The following PTPRS variants were observed in gnomAD, a reference collection of about 807,000 sequenced individuals.
PTPRS encodes the protein protein tyrosine phosphatase receptor type S.
Under a neutral mutation model 215.3 loss-of-function variants are expected in PTPRS, and 63 were observed. The ratio of observed to expected loss-of-function variants is 0.29; its 90% CI spans 0.24 to 0.36. The LOEUF is 0.36. Among genes scored for constraint, PTPRS ranks in the 10% least tolerant of loss-of-function variants. PTPRS has a pLI of 1.00. For synonymous variants in PTPRS, 1,404 were observed against 1,191.4 expected (o/e 1.18, Z -3.68); for missense variants, 2,258 against 2,825.8 (o/e 0.80, Z 4.56).
chr19:5,222,075 A>C (rs762908172), intron 19 of PTPRS, 48 bp downstream of exon 19: 2 of 1,505,078 alleles, frequency 1.3e-6, no homozygotes, highest in Non-Finnish European at 1.8e-6. Context: ...GCTGAACTAC[A>C]ACCCCTGACC....
intron 1 of PTPRS, among the ~76,000 whole-genome samples, chr19:5,322,904 G>A (rs140054074): frequency 0.023 from 2,664 of 117,810 alleles, 70 homozygotes; most frequent in Middle Eastern, 0.048. Flanking sequence ...AAAAAAAGAA[G>A]AAGAAGAAGA....
At chr19:5,301,134 G>A (rs944845340) in intron 1 of PTPRS, among the ~76,000 whole-genome samples, 4 of 152,190 alleles carry the variant, frequency 2.6e-5, no homozygotes. Context: ...CAGAAACTTG[G>A]AAAAGGCTTC....
At position 5,210,584 on chromosome 19, in the gene PTPRS, T is replaced by C; in HGVS notation, c.5372A>G (p.His1791Arg). The change falls in exon 35 of 38, where the codon CAC becomes CGC. Residue 1791 changes from histidine (H) to arginine (R), a missense_variant. Physicochemically the swap from His to Arg is conservative, Grantham distance 29. Transcript: ENST00000262963. The surrounding 1 kb of genome is among the most constrained non-coding windows in gnomAD (Gnocchi z 4.5). ...AGAGCGCTCGGCCGGCCAGTACTGG[T>C]GACACTTCTCCTGTGGAGGAGATGG... ...KLREMGREKC[H>R]QYWPAERSAR... 6.2e-7 allele frequency: 1 copy of C among 1,614,172 alleles called. No homozygotes were observed. The highest frequency in any genetic ancestry group is 8.5e-7 in the Non-Finnish European group (1 of 1,180,014).
intron 1 of PTPRS, among the ~76,000 whole-genome samples, chr19:5,332,310 T>C (rs889757107): frequency 6.6e-6 from 1 of 152,130 alleles, no homozygotes; most frequent in Non-Finnish European, 1.5e-5. Context: ...GTATTTTTAG[T>C]AGAGGCGGGG....
chr19:5,283,783 C>A (rs2048082252), intron 2 of PTPRS, among the ~76,000 whole-genome samples: 1 of 152,094 alleles, frequency 6.6e-6, no homozygotes, highest in African/African-American at 2.4e-5. Context: ...GTTCAAATGG[C>A]CACTTCTGGT....
Position 5,210,227 on chromosome 19 carries a change from A to G in PTPRS, c.5487+242T>C, listed in dbSNP as rs1258101490. 6.6e-6 allele frequency among the ~76,000 whole-genome samples: 1 copy of G among 152,182 alleles called. No individual in the cohort carries two copies. The highest frequency in any genetic ancestry group is 1.5e-5 in the Non-Finnish European group (1 of 68,030). ...AGGAAAGCCCCATTCACTTCCTTGA[A>G]TATCATCCCCTGGGGCCATGTTCCC... On this transcript the variant is annotated intron_variant, in intron 35 of 37. Transcript: ENST00000262963. This position sits in a 1 kb window ranked among gnomAD's most constrained non-coding sequence, Gnocchi z 4.5.
rs2045704348 is a variant in PTPRS at position 5,257,993 on chromosome 19, T to G, written c.706+24A>C. 1 of 1,600,306 alleles carries G rather than the reference T, an allele frequency of 6.2e-7. No individual in the cohort carries two copies. Among genetic ancestry groups the G allele is most frequent in the Non-Finnish European group, 8.5e-7 (1 of 1,169,760 alleles). On this transcript the variant is annotated intron_variant, in intron 8 of 37. Transcript: ENST00000262963. The surrounding 1 kb of genome is among the most constrained non-coding windows in gnomAD (Gnocchi z 4.4). The stretch of plus-strand genomic sequence containing the variant: ...ATGGGACGGGGCGGGTCCCTGCCTT[T>G]GACCTGGACGCGGCGTTCCCTACCT...
intron 12 of PTPRS, among the ~76,000 whole-genome samples, chr19:5,239,740 A>G (rs773353498): frequency 3.3e-5 from 5 of 152,118 alleles, no homozygotes; most frequent in Non-Finnish European, 7.4e-5. Flanking sequence ...ATACAGAGAC[A>G]GAGACAGAGA....
At chr19:5,308,029 G>C (rs2049557241) in intron 1 of PTPRS, among the ~76,000 whole-genome samples, 2 of 152,156 alleles carry the variant, frequency 1.3e-5, no homozygotes, top group Admixed American at 1.3e-4. Flanking sequence ...GTTCTGGGAA[G>C]AGACTGCTAC....
At chr19:5,335,594 C>T (rs2050469413) in intron 1 of PTPRS, among the ~76,000 whole-genome samples, 1 of 152,124 alleles carries the variant, frequency 6.6e-6, no homozygotes, top group African/African-American at 2.4e-5. Flanking sequence ...ACAGCTGGCC[C>T]TTCCTATAAG....
Position 5,293,546 on chromosome 19 carries a change from C to T in PTPRS, c.-94-7312G>A, listed in dbSNP as rs1174846739. 3.9e-5 allele frequency among the ~76,000 whole-genome samples: 6 copies of T among 152,204 alleles called. No homozygotes were observed. Among genetic ancestry groups the T allele is most frequent in the Non-Finnish European group, 8.8e-5 (6 of 68,026 alleles). On this transcript the variant is annotated intron_variant, in intron 1 of 37. Transcript: ENST00000262963. The surrounding 1 kb of genome is among the most constrained non-coding windows in gnomAD (Gnocchi z 8.4). ...CTCACGGGGAGCCTCTACACTGCTCCTCGCTTCCCCAGCTCTGATCGTAGC... is the reference window on the plus strand; with the variant it reads ...CTCACGGGGAGCCTCTACACTGCTCTTCGCTTCCCCAGCTCTGATCGTAGC...
At chr19:5,226,446 C>T (rs73543282) in intron 16 of PTPRS, among the ~76,000 whole-genome samples, 26,482 of 152,068 alleles carry the variant, frequency 0.17, 4,152 homozygotes, top group African/African-American at 0.42. Context: ...TTAAACTGTA[C>T]GAGGCTGGGC....
rs1220304229 is a variant in PTPRS at position 5,230,790 on chromosome 19, T to G, written c.2155+520A>C. Among the ~76,000 whole-genome samples, 3 of 152,186 alleles carry G rather than the reference T, an allele frequency of 2.0e-5. No individual in the cohort carries two copies. The East Asian group carries it at 5.8e-4, about 29-fold the overall frequency. On this transcript the variant is annotated intron_variant, in intron 14 of 37. Coordinates refer to ENST00000262963, the MANE Select transcript of PTPRS (RefSeq NM_002850.4). ...AGTTGCAATTTTATTGGGAAAGGTG[T>G]CTGTCATTTCTCTCCATGATCTAGG...
intron 2 of PTPRS, among the ~76,000 whole-genome samples, chr19:5,280,866 A>G (rs537632880): frequency 1.1e-3 from 171 of 151,416 alleles, no homozygotes; most frequent in Non-Finnish European, 1.8e-3. Context: ...ATCTTGGCTC[A>G]TTGCAACCTC....
chr19:5,323,318 ACTGCACTCCCGCCTGGGT>A (rs2050081642), intron 1 of PTPRS, among the ~76,000 whole-genome samples: 1 of 152,152 alleles, frequency 6.6e-6, no homozygotes, highest in Admixed American at 6.5e-5. Context: ...AGATCACACC[ACTGCACTCCCGCCTGGGT>A]GACAGAGTGA....
At chr19:5,214,244 A>C in intron 30 of PTPRS, 117 bp downstream of exon 30, 1 of 1,418,962 alleles carries the variant, frequency 7.0e-7, no homozygotes, top group Non-Finnish European at 9.6e-7. Context: ...GCCTGGGTAG[A>C]CACGCTCCGC....
chr19:5,259,717 T>C (rs2146281171), intron 7 of PTPRS, among the ~76,000 whole-genome samples: 1 of 152,328 alleles, frequency 6.6e-6, no homozygotes, highest in African/African-American at 2.4e-5. Context: ...AATCACAGGC[T>C]TCAATCACAG....
chr19:5,235,858 C>G (rs890136433), intron 13 of PTPRS, among the ~76,000 whole-genome samples: 1 of 152,188 alleles, frequency 6.6e-6, no homozygotes. Flanking sequence ...GTGTTAAAGG[C>G]TTATGAATCA....
intron 17 of PTPRS, among the ~76,000 whole-genome samples, chr19:5,225,221 G>A (rs1160788124): frequency 2.0e-5 from 3 of 152,086 alleles, no homozygotes; most frequent in African/African-American, 7.2e-5. Flanking sequence ...GTGCAGTAGG[G>A]GAAGACAGGT....
Sources: gnomAD v4.1 joint callset for allele counts (sites outside exome capture counted in the v4.1 genomes callset) on GRCh38, gnomAD v4.1.1 for gene constraint, Gnocchi (gnomAD v3.1) non-coding constraint, MANE v1.5 for transcripts, NCBI Gene and HGNC (gene_info 2026-07-23, HGNC 2026-07-21) for gene names.